Variants in SMIM14 observed in about 807,000 individuals in gnomAD.
SMIM14 encodes the protein chromosome 4 open reading frame 34.
A neutral mutation model predicts 12.6 loss-of-function variants in SMIM14; 5 were observed. That is an observed-to-expected ratio of 0.40 (90% CI 0.21 to 0.83). SMIM14 has a LOEUF of 0.83. SMIM14 is among the 40% of genes least tolerant of loss of function. The pLI is 0.37. For missense variants in SMIM14, 86 were observed against 119.1 expected (o/e 0.72, Z 1.29); for synonymous variants, 30 against 40.1 (o/e 0.75, Z 0.95).
intron 1 of SMIM14, among the ~76,000 whole-genome samples, chr4:39,632,942 C>A (rs541064062): frequency 1.5e-4 from 22 of 151,660 alleles, no homozygotes; most frequent in Middle Eastern, 3.4e-3. Context: ...TAAGCATATG[C>A]AAGTATGTAT....
intron 2 of SMIM14, among the ~76,000 whole-genome samples, chr4:39,590,170 T>C (rs1713991201): frequency 6.6e-6 from 1 of 152,060 alleles, no homozygotes; most frequent in African/African-American, 2.4e-5. Flanking sequence ...TCCCAGCACT[T>C]TGGGGGGCCA....
Position 39,601,154 on chromosome 4 carries a change from G to A in SMIM14, c.75+3917C>T, listed in dbSNP as rs1289830604. Among the ~76,000 whole-genome samples, 6 of 151,998 alleles carry A rather than the reference G, an allele frequency of 3.9e-5. No individual in the cohort carries two copies. In the South Asian group the frequency reaches 6.2e-4, roughly 16 times the overall value. On this transcript the variant is annotated intron_variant, in intron 2 of 4. Transcript: ENST00000295958. ...TGCTCCTAAGTTGTGTATATTCCTT[G>A]GCAAAGCTCATCTATTTCTACAGAA... is the stretch of plus-strand genomic sequence containing the variant.
intron 2 of SMIM14, among the ~76,000 whole-genome samples, chr4:39,584,779 A>C (rs1378913359): frequency 7.2e-6 from 1 of 138,656 alleles, no homozygotes; most frequent in Non-Finnish European, 1.6e-5. Context: ...CTGGGTAATC[A>C]AGCAGGACCT....
chr4:39,579,426 GA>G (rs1204221859), intron 2 of SMIM14, among the ~76,000 whole-genome samples: 6 of 136,992 alleles, frequency 4.4e-5, no homozygotes, highest in Non-Finnish European at 8.0e-5. Context: ...AAAAAAAAAA[GA>G]AAAAAAAGAA....
chr4:39,569,636 T>C (rs1712777573), intron 3 of SMIM14, among the ~76,000 whole-genome samples: 1 of 151,822 alleles, frequency 6.6e-6, no homozygotes, highest in Non-Finnish European at 1.5e-5. Flanking sequence ...ACTTGGGAGG[T>C]TGAGGCACTA....
rs1711596478 is a variant in SMIM14 at position 39,550,170 on chromosome 4, A to AG, written c.*1955dup. The AG allele has an allele frequency of 6.6e-6, 1 of 152,254 alleles. No homozygotes were observed. Among genetic ancestry groups the AG allele is most frequent in the Non-Finnish European group, 1.5e-5 (1 of 68,036 alleles). 9.4% of individuals were successfully genotyped at this position (152,254 alleles called of 1,614,324 possible). On this transcript the variant is annotated 3_prime_UTR_variant, in exon 5 of 5. Transcript: ENST00000295958. The stretch of plus-strand genomic sequence containing the variant: ...TCTAAACAGTGAATAGACTGACCTA[A>AG]GGGGAAAAAAATCCTTACATTGATA...
At chr4:39,579,410 C>CA (rs11300565) in intron 2 of SMIM14, among the ~76,000 whole-genome samples, 1,200 of 102,126 alleles carry the variant, frequency 0.012, 12 homozygotes, top group African/African-American at 0.039. Context: ...ACAGTGCCTC[C>CA]AAAAAAAAAA....
intron 2 of SMIM14, among the ~76,000 whole-genome samples, chr4:39,604,343 C>T (rs555822996): frequency 1.3e-5 from 2 of 152,032 alleles, no homozygotes; most frequent in Admixed American, 6.6e-5. Context: ...TTGAGACCAG[C>T]CTGGGCAACA....
rs1008334683 is a variant in SMIM14, at chr4:39,551,404, G to T, written c.*722C>A. 6.6e-6 allele frequency: 1 copy of T among 152,568 alleles called. No homozygotes were observed. The highest frequency in any genetic ancestry group is 1.5e-5 in the Non-Finnish European group (1 of 68,022). 9.5% of individuals were successfully genotyped at this position (152,568 alleles called of 1,614,324 possible). A position where few individuals can be genotyped will look rare whatever the true frequency, so the allele number is the denominator to read the frequency against. On this transcript the variant is annotated 3_prime_UTR_variant, in exon 5 of 5. Transcript: ENST00000295958. The stretch of plus-strand genomic sequence containing the variant: ...AGTGGCTTACAAATGTCATATAATG[G>T]ACTGTAAATCATCTGCCATATTGAT...
intron 1 of SMIM14, among the ~76,000 whole-genome samples, chr4:39,617,236 A>T (rs1184947618): frequency 6.6e-6 from 1 of 152,164 alleles, no homozygotes; most frequent in Non-Finnish European, 1.5e-5. Context: ...TTATCTATGG[A>T]GAGATGTTTG....
chr4:39,600,820 G>A (rs1173160118), intron 2 of SMIM14, among the ~76,000 whole-genome samples: 1 of 152,134 alleles, frequency 6.6e-6, no homozygotes, highest in Non-Finnish European at 1.5e-5. Flanking sequence ...GCAGTGAGCA[G>A]AGATCGCGCC....
intron 1 of SMIM14, among the ~76,000 whole-genome samples, chr4:39,616,231 G>A (rs562466518): frequency 3.9e-4 from 59 of 152,292 alleles, no homozygotes; most frequent in African/African-American, 1.4e-3. Context: ...CACCTCCTGG[G>A]TTCAAGCAAT....
chr4:39,561,378 A>C (rs1712300750), intron 3 of SMIM14, among the ~76,000 whole-genome samples: 1 of 151,704 alleles, frequency 6.6e-6, no homozygotes, highest in African/African-American at 2.4e-5. Flanking sequence ...CAAGGCAGGA[A>C]GATCCCTTGA....
intron 2 of SMIM14, among the ~76,000 whole-genome samples, chr4:39,582,016 C>T (rs1713532910): frequency 6.6e-6 from 1 of 151,992 alleles, no homozygotes; most frequent in African/African-American, 2.4e-5. Context: ...GGATTGCAGG[C>T]ATGTGTCACC....
intron 3 of SMIM14, among the ~76,000 whole-genome samples, chr4:39,571,106 G>A (rs1268409708): frequency 2.6e-5 from 4 of 152,096 alleles, no homozygotes; most frequent in Admixed American, 2.6e-4. Flanking sequence ...CATATACCAT[G>A]CAATATTCAT....
chr4:39,565,229 A>C (rs971953038), intron 3 of SMIM14, among the ~76,000 whole-genome samples: 1 of 152,186 alleles, frequency 6.6e-6, no homozygotes, highest in African/African-American at 2.4e-5. Context: ...AGAAAAGAAA[A>C]GAAAAAGATT....
rs190265047 is a variant in SMIM14, at chr4:39,614,444, C to T, written c.-35-9264G>A. 4.5e-4 allele frequency among the ~76,000 whole-genome samples: 68 copies of T among 151,904 alleles called. 1 individual carries two copies. In the South Asian group the frequency reaches 5.6e-3, roughly 13 times the overall value. ...TCAAGCGATTCTCCTGCCTCAGCTC[C>T]AGAGTAGCTGGGATTACAGGTGTGT... On this transcript the variant is annotated intron_variant, in intron 1 of 4. Transcript: ENST00000295958.
At chr4:39,609,371 A>G (rs1255423112) in intron 1 of SMIM14, among the ~76,000 whole-genome samples, 1 of 152,204 alleles carries the variant, frequency 6.6e-6, no homozygotes, top group East Asian at 1.9e-4. Flanking sequence ...GAGCATATAC[A>G]TGTTCTAAAC....
At chr4:39,626,022 G>A (rs1048357782) in intron 1 of SMIM14, among the ~76,000 whole-genome samples, 6 of 152,074 alleles carry the variant, frequency 3.9e-5, no homozygotes, top group East Asian at 1.9e-4. Context: ...GGTGAGGTGC[G>A]GGCCAGCAAG....
Sources: allele counts gnomAD v4.1 joint callset (sites outside exome capture counted in the v4.1 genomes callset), GRCh38; gene constraint gnomAD v4.1.1; transcripts MANE v1.5; gene names NCBI Gene and HGNC (gene_info 2026-07-23, HGNC 2026-07-21).